The following TRDN variants were observed in gnomAD, a reference collection of about 807,000 sequenced individuals.
The protein encoded by TRDN is triadin, also known as triadin in skeletal muscle.
Under a neutral mutation model 149.7 loss-of-function variants are expected in TRDN, and 161 were observed. The observed-to-expected ratio is 1.08, with a 90% CI of 0.95 to 1.23. TRDN has a LOEUF of 1.23. Ranked by LOEUF, TRDN falls within the 50% of genes most tolerant of loss-of-function variation. The pLI, the probability that TRDN is intolerant of heterozygous loss-of-function variation, is 0.00. For synonymous variants in TRDN, 294 were observed against 250.5 expected, an observed-to-expected ratio of 1.17 and a Z score of -1.64; for missense variants, 896 against 823.5, an observed-to-expected ratio of 1.09 and a Z score of -1.08.
Position 123,479,674 on chromosome 6 carries a change from T to C in TRDN, c.854-14691A>G, listed in dbSNP as rs1000175975. ...TGCTCTTATACAACAGTATCCTGTC[T>C]TTGAGCTTGCATTTGCAGGCATTTT... On this transcript the variant is annotated intron_variant, in intron 9 of 40. Coordinates refer to ENST00000334268, the MANE Select transcript of TRDN (RefSeq NM_006073.4). Among the ~76,000 whole-genome samples, 4 of 152,172 alleles carry C rather than the reference T, an allele frequency of 2.6e-5. No individual in the cohort carries two copies. In the East Asian group the frequency reaches 7.7e-4, roughly 29 times the overall value.
At chr6:123,632,248 C>G (rs1786043602) in intron 1 of TRDN, among the ~76,000 whole-genome samples, 1 of 150,520 alleles carries the variant, frequency 6.6e-6, no homozygotes, top group Non-Finnish European at 1.5e-5. Flanking sequence ...GCATATTCCT[C>G]ATCCCTCTAT....
intron 32 of TRDN, among the ~76,000 whole-genome samples, chr6:123,266,890 C>T (rs373595218): frequency 1.4e-5 from 2 of 142,764 alleles, no homozygotes; most frequent in East Asian, 2.0e-4. Context: ...GGGTGGATCA[C>T]GAGGTCAGGA....
chr6:123,359,254 C>T (rs1780806052), intron 20 of TRDN, among the ~76,000 whole-genome samples: 2 of 152,112 alleles, frequency 1.3e-5, no homozygotes, highest in South Asian at 2.1e-4. Context: ...CTAACATAGT[C>T]GGAATTATGA....
chr6:123,483,671 T>G (rs1423625933), intron 9 of TRDN, among the ~76,000 whole-genome samples: 1 of 152,190 alleles, frequency 6.6e-6, no homozygotes. Flanking sequence ...TCTTCTATTT[T>G]TCTCCCACAG....
chr6:123,393,548 A>G, intron 13 of TRDN, 76 bp downstream of exon 13: 1 of 1,370,256 alleles, frequency 7.3e-7, no homozygotes, highest in East Asian at 2.5e-5. Flanking sequence ...TGCAATAAAC[A>G]GCTTTTGCTT....
chr6:123,424,223 A>T (rs1204052836), intron 12 of TRDN, among the ~76,000 whole-genome samples: 1 of 152,124 alleles, frequency 6.6e-6, no homozygotes, highest in Non-Finnish European at 1.5e-5. Context: ...CATCAAACTG[A>T]ATAAAAAACT....
At chr6:123,300,400 G>T (rs1407527873) in intron 24 of TRDN, among the ~76,000 whole-genome samples, 1 of 151,940 alleles carries the variant, frequency 6.6e-6, no homozygotes, top group Non-Finnish European at 1.5e-5. Context: ...ACTGTTTACA[G>T]TATATGCATA....
chr6:123,289,011 T>TGGG (rs35592999), intron 24 of TRDN, among the ~76,000 whole-genome samples: 2 of 147,014 alleles, frequency 1.4e-5, no homozygotes, highest in African/African-American at 5.1e-5. Context: ...TTTAAAAATG[T>TGGG]GGGGGGTGTG....
intron 21 of TRDN, chr6:123,350,790 T>C (rs563584012): frequency 3.1e-6 from 3 of 978,974 alleles, no homozygotes; most frequent in Non-Finnish European, 3.6e-6. Context: ...AATATAAAAA[T>C]AGCCATTGAA....
At chr6:123,573,469 G>C (rs553927140) in intron 1 of TRDN, among the ~76,000 whole-genome samples, 4 of 152,106 alleles carry the variant, frequency 2.6e-5, no homozygotes, top group African/African-American at 7.2e-5. Flanking sequence ...ATCACTCTAA[G>C]AAAAGGCTAG....
Position 123,274,024 on chromosome 6 carries a change from G to T in TRDN, c.1597+617C>A, listed in dbSNP as rs556948242. Among the ~76,000 whole-genome samples, 6 of 152,084 alleles carry T rather than the reference G, an allele frequency of 3.9e-5. No homozygotes were observed. In the South Asian group the frequency reaches 1.2e-3, roughly 32 times the overall value. ...CCAGGGTTTGGTGCAAATCAGACAC[G>T]GGGCAGACCCCTAGCTTCAACATTG... On this transcript the variant is annotated intron_variant, in intron 27 of 40. Coordinates refer to ENST00000334268, the MANE Select transcript of TRDN (RefSeq NM_006073.4).
chr6:123,484,802 C>G (rs183938348), intron 9 of TRDN, among the ~76,000 whole-genome samples: 2 of 152,244 alleles, frequency 1.3e-5, no homozygotes, highest in Admixed American at 1.3e-4. Context: ...AAAGCTTAAG[C>G]CTTCATTTTG....
At chr6:123,346,240 G>C (rs1780241056) in intron 21 of TRDN, among the ~76,000 whole-genome samples, 1 of 151,830 alleles carries the variant, frequency 6.6e-6, no homozygotes, top group Non-Finnish European at 1.5e-5. Context: ...ACCATCAATG[G>C]GTGTTAGATT....
intron 12 of TRDN, among the ~76,000 whole-genome samples, chr6:123,413,317 CA>C (rs1156299774): frequency 3.9e-5 from 6 of 152,300 alleles, no homozygotes; most frequent in Admixed American, 1.3e-4. Context: ...AAACAATTAT[CA>C]AAAACACTTC....
intron 10 of TRDN, among the ~76,000 whole-genome samples, chr6:123,461,607 A>G (rs1041975239): frequency 5.9e-5 from 9 of 152,162 alleles, no homozygotes; most frequent in Admixed American, 1.3e-4. Flanking sequence ...GGAATCATAT[A>G]TGGTAATTTT....
chr6:123,579,676 G>A (rs549513731), intron 1 of TRDN, among the ~76,000 whole-genome samples: 5 of 152,212 alleles, frequency 3.3e-5, no homozygotes, highest in African/African-American at 1.2e-4. Context: ...TTGGAGAGGA[G>A]TGCCTCTGAT....
At chr6:123,220,038 T>C (rs1775091076) in intron 40 of TRDN, among the ~76,000 whole-genome samples, 2 of 152,040 alleles carry the variant, frequency 1.3e-5, no homozygotes, top group South Asian at 4.2e-4. Context: ...TAAAGGCTCA[T>C]GAATATCAGG....
At chr6:123,336,802 T>C (rs1399736438) in intron 22 of TRDN, among the ~76,000 whole-genome samples, 3 of 150,976 alleles carry the variant, frequency 2.0e-5, no homozygotes, top group African/African-American at 7.3e-5. Flanking sequence ...GTTAATTTAT[T>C]ATATATACAT....
chr6:123,545,833 G>A (rs1781083825), intron 4 of TRDN, among the ~76,000 whole-genome samples: 1 of 151,842 alleles, frequency 6.6e-6, no homozygotes, highest in African/African-American at 2.4e-5. Context: ...GTATGAATTT[G>A]CAGTTTATAC....
Sources: allele counts gnomAD v4.1 joint callset (sites outside exome capture counted in the v4.1 genomes callset), GRCh38; gene constraint gnomAD v4.1.1; transcripts MANE v1.5; gene names NCBI Gene and HGNC (gene_info 2026-07-23, HGNC 2026-07-21).